Variants in CCSER2 observed in about 807,000 individuals in gnomAD.
The protein encoded by CCSER2 is serine-rich coiled-coil domain-containing protein 2.
A neutral mutation model predicts 92.3 loss-of-function variants in CCSER2; 46 were observed. That is an observed-to-expected ratio of 0.50 (90% CI 0.39 to 0.64). The LOEUF (loss-of-function observed/expected upper bound fraction) is 0.64. CCSER2 is among the 30% of genes least tolerant of loss of function. CCSER2 has a pLI of 0.00. For synonymous variants in CCSER2, 433 were observed against 431.4 expected (o/e 1.00, Z -0.04); for missense variants, 1,244 against 1,238.9 (o/e 1.00, Z -0.06).
chr10:84,466,231 T>C (rs1165498071), intron 7 of CCSER2, among the ~76,000 whole-genome samples: 1 of 152,184 alleles, frequency 6.6e-6, no homozygotes, highest in East Asian at 1.9e-4. Context: ...CAAAATGGTT[T>C]AGCAGTGCAG....
rs1468669588 is a variant in CCSER2, at chr10:84,371,787, T to A, written c.735T>A (p.Asn245Lys). ...CTATAACCAGATCACATTCCTTTAA[T>A]AGAGCTGTGGATCTTACAAAGCCTT... Reference protein sequence around the residue: ...PSSITRSHSFNRAVDLTKPYQ... With the variant: ...PSSITRSHSFKRAVDLTKPYQ... The change falls in exon 2 of 10, where the codon AAT (asparagine) becomes AAA (lysine). Residue 245 changes from asparagine (N) to lysine (K), a missense_variant. By Grantham distance (94) the Asn-to-Lys change is moderately conservative. Transcript: ENST00000372088. 6.2e-7 allele frequency: 1 copy of A among 1,613,694 alleles called. No individual in the cohort carries two copies. The highest frequency in any genetic ancestry group is 8.5e-7 in the Non-Finnish European group (1 of 1,179,788).
At chr10:84,479,242 A>G (rs553142040) in intron 9 of CCSER2, among the ~76,000 whole-genome samples, 2 of 152,230 alleles carry the variant, frequency 1.3e-5, no homozygotes, top group Non-Finnish European at 1.5e-5. Context: ...TGTTTTGTAG[A>G]TAAGGTAGCA....
intron 8 of CCSER2, among the ~76,000 whole-genome samples, chr10:84,476,511 C>A (rs1847155488): frequency 8.3e-6 from 1 of 121,210 alleles, no homozygotes. Flanking sequence ...GTGGTGCAAT[C>A]TGTGCTCACT....
intron 4 of CCSER2, among the ~76,000 whole-genome samples, chr10:84,419,481 A>G (rs1843035875): frequency 6.6e-6 from 1 of 152,220 alleles, no homozygotes; most frequent in African/African-American, 2.4e-5. Context: ...AACATGGCCA[A>G]ACCTAACACC....
intron 6 of CCSER2, among the ~76,000 whole-genome samples, chr10:84,444,722 G>C (rs1844799842): frequency 6.6e-6 from 1 of 152,146 alleles, no homozygotes; most frequent in African/African-American, 2.4e-5. Flanking sequence ...TTATTAAATA[G>C]TACTGTTTAA....
intron 9 of CCSER2, among the ~76,000 whole-genome samples, chr10:84,492,262 A>G (rs1312299652): frequency 2.6e-5 from 4 of 151,672 alleles, no homozygotes; most frequent in African/African-American, 9.7e-5. Flanking sequence ...CCTGGGTGGC[A>G]GAACGAGACT....
chr10:84,429,006 T>TATATACACATAC (rs1030771883), intron 5 of CCSER2, among the ~76,000 whole-genome samples: 2 of 138,910 alleles, frequency 1.4e-5, no homozygotes, highest in African/African-American at 5.2e-5. Context: ...TATATATATA[T>TATATACACATAC]ATATATATAC....
intron 6 of CCSER2, among the ~76,000 whole-genome samples, chr10:84,456,277 C>A (rs1206403522): frequency 2.0e-5 from 3 of 152,160 alleles, no homozygotes; most frequent in African/African-American, 7.2e-5. Context: ...CTCCTGGCAA[C>A]CACTGATATG....
At chr10:84,416,043 C>T (rs1349061079) in intron 3 of CCSER2, among the ~76,000 whole-genome samples, 1 of 152,180 alleles carries the variant, frequency 6.6e-6, no homozygotes, top group Non-Finnish European at 1.5e-5. Flanking sequence ...TGCTGCTCTA[C>T]CTGGACGCCA....
intron 3 of CCSER2, among the ~76,000 whole-genome samples, chr10:84,403,651 A>G (rs980951593): frequency 6.6e-6 from 1 of 152,186 alleles, no homozygotes; most frequent in African/African-American, 2.4e-5. Context: ...AAGAGGAGAT[A>G]TGGATGGGAA....
intron 9 of CCSER2, among the ~76,000 whole-genome samples, chr10:84,488,904 C>T (rs1847972296): frequency 6.6e-6 from 1 of 152,206 alleles, no homozygotes; most frequent in Admixed American, 6.5e-5. Flanking sequence ...CTACACACTG[C>T]TTCAAATGTG....
chr10:84,346,130 T>A (rs1446875901), intron 1 of CCSER2, among the ~76,000 whole-genome samples: 1 of 152,324 alleles, frequency 6.6e-6, no homozygotes, highest in South Asian at 2.1e-4. Context: ...AGTGGCGCAA[T>A]CTCGGCTCAC....
chr10:84,513,388 A>T, intron 9 of CCSER2, 61 bp from the exon 10 acceptor site: 2 of 1,247,402 alleles, frequency 1.6e-6, no homozygotes, highest in Non-Finnish European at 2.3e-6. Flanking sequence ...ATTGGTATTT[A>T]TATTAAATCT....
intron 5 of CCSER2, among the ~76,000 whole-genome samples, chr10:84,428,108 CA>C (rs1317627548): frequency 1.3e-5 from 2 of 152,140 alleles, no homozygotes; most frequent in African/African-American, 4.8e-5. Context: ...CTGCAGTGTT[CA>C]TGTACATGAG....
intron 1 of CCSER2, among the ~76,000 whole-genome samples, chr10:84,349,569 C>G (rs1478409837): frequency 6.6e-6 from 1 of 152,066 alleles, no homozygotes; most frequent in African/African-American, 2.4e-5. Context: ...GTAGTCCCAG[C>G]TACTAGGGAG....
At chr10:84,513,178 TAATA>T (rs1047295609) in intron 9 of CCSER2, among the ~76,000 whole-genome samples, 1 of 152,250 alleles carries the variant, frequency 6.6e-6, no homozygotes, top group Non-Finnish European at 1.5e-5. Flanking sequence ...ATTTTTTCTA[TAATA>T]AATTAGTACT....
chr10:84,426,819 A>G (rs1224129465), intron 5 of CCSER2, among the ~76,000 whole-genome samples: 2 of 152,226 alleles, frequency 1.3e-5, no homozygotes, highest in African/African-American at 4.8e-5. Context: ...CAACATATAC[A>G]GTACGCATAA....
rs915448652 is a variant in CCSER2, at chr10:84,372,556, A to C, written c.1417+87A>C. 1.4e-5 allele frequency: 12 copies of C among 836,012 alleles called. No homozygotes were observed. In the African/African-American group the frequency reaches 2.1e-4, roughly 14 times the overall value. The allele number at this position is 836,012 out of a possible 1,614,324, so 51.8% of individuals were successfully genotyped here. A position where few individuals can be genotyped will look rare whatever the true frequency, so the allele number is the denominator to read the frequency against. ...TTAGGATTATCTTCAGATAGATTTCAAGATATTATCAGTTTCACGGAGGGA... is the reference window on the plus strand; with the variant it reads ...TTAGGATTATCTTCAGATAGATTTCCAGATATTATCAGTTTCACGGAGGGA... On this transcript the variant is annotated intron_variant, in intron 2 of 9. Coordinates refer to ENST00000372088, the MANE Select transcript of CCSER2 (RefSeq NM_001284240.2).
At chr10:84,456,418 C>T (rs890256367) in intron 6 of CCSER2, among the ~76,000 whole-genome samples, 17 of 152,038 alleles carry the variant, frequency 1.1e-4, no homozygotes, top group African/African-American at 2.4e-4. Flanking sequence ...ATTAGGAATT[C>T]GTTTCTGTAT....
Sources: allele counts gnomAD v4.1 joint callset (sites outside exome capture counted in the v4.1 genomes callset), GRCh38; gene constraint gnomAD v4.1.1; transcripts MANE v1.5; gene names NCBI Gene and HGNC (gene_info 2026-07-23, HGNC 2026-07-21).